Variants in ACOD1 observed in about 807,000 individuals in gnomAD.
ACOD1 encodes cis-aconitate decarboxylase.
A neutral mutation model predicts 14.2 loss-of-function variants in ACOD1; 14 were observed. The observed-to-expected ratio is 0.99, with a 90% CI of 0.65 to 1.54. The LOEUF (loss-of-function observed/expected upper bound fraction) is 1.54. Ranked by LOEUF, ACOD1 falls within the 40% of genes most tolerant of loss-of-function variation. The pLI, the probability that ACOD1 is intolerant of heterozygous loss-of-function variation, is 0.00. For missense variants in ACOD1, 530 were observed against 586.3 expected (o/e 0.90, Z 0.99); for synonymous variants, 182 against 221.7 (o/e 0.82, Z 1.59).
chr13:76,956,964 G>T, intron 4 of ACOD1, 46 bp from the exon 5 acceptor site: 1 of 1,502,690 alleles, frequency 6.7e-7, no homozygotes, highest in Non-Finnish European at 8.9e-7. Flanking sequence ...CTGCCTCCTG[G>T]TGGTTACGGT....
At position 76,958,011 on chromosome 13, in the gene ACOD1, G is replaced by T; in HGVS notation, c.*26G>T. 6.8e-7 allele frequency: 1 copy of T among 1,470,538 alleles called. No homozygotes were observed. The highest frequency in any genetic ancestry group is 9.0e-7 in the Non-Finnish European group (1 of 1,114,512). 91.1% of individuals were successfully genotyped at this position (1,470,538 alleles called of 1,614,324 possible). On this transcript the variant is annotated 3_prime_UTR_variant, in exon 5 of 5. Transcript: ENST00000377462. ...GGCTTACCAACATCTAAATGACTTT[G>T]CATTTGGGGAGATTCAATGATTTGG...
At chr13:76,953,911 T>C (rs1566206269) in intron 3 of ACOD1, among the ~76,000 whole-genome samples, 1 of 152,202 alleles carries the variant, frequency 6.6e-6, no homozygotes, top group Non-Finnish European at 1.5e-5. Context: ...GGAAAGAAGA[T>C]GGAAGGATTT....
rs2033895152 is a variant in ACOD1, at chr13:76,957,786, A to G, written c.1247A>G (p.Glu416Gly). ...YGHWRKPLSQ[E>G]DLEEKFRANA... is the part of the protein sequence containing the mutation. ...CACTGGAGAAAACCACTGAGCCAGG[A>G]GGACCTAGAGGAAAAGTTCAGAGCC... is the stretch of plus-strand genomic sequence containing the variant. The change falls in exon 5 of 5, where the codon GAG becomes GGG. Residue 416 changes from glutamate to glycine, a missense_variant. By Grantham distance (98) the Glu-to-Gly change is moderately conservative. Transcript: ENST00000377462. 1 of 1,550,896 alleles carries G rather than the reference A, an allele frequency of 6.4e-7. No individual in the cohort carries two copies. The highest frequency in any genetic ancestry group is 8.7e-7 in the Non-Finnish European group (1 of 1,147,062).
intron 1 of ACOD1, among the ~76,000 whole-genome samples, chr13:76,951,488 G>C (rs894010005): frequency 5.9e-5 from 9 of 152,178 alleles, no homozygotes; most frequent in African/African-American, 1.9e-4. Flanking sequence ...CATCTGCCTT[G>C]GTCTCCCAAA....
At chr13:76,952,707 A>G in intron 2 of ACOD1, 57 bp downstream of exon 2, 5 of 1,431,338 alleles carry the variant, frequency 3.5e-6, no homozygotes, top group Non-Finnish European at 4.7e-6. Flanking sequence ...TATGTGTTAC[A>G]TTTACTCTAT....
intron 1 of ACOD1, among the ~76,000 whole-genome samples, chr13:76,948,971 G>T (rs976970712): frequency 9.9e-5 from 15 of 152,136 alleles, no homozygotes; most frequent in African/African-American, 3.4e-4. Flanking sequence ...TGGACTCATA[G>T]TAAGAACTTG....
At chr13:76,951,604 T>G (rs2033821906) in intron 1 of ACOD1, among the ~76,000 whole-genome samples, 1 of 152,220 alleles carries the variant, frequency 6.6e-6, no homozygotes, top group Non-Finnish European at 1.5e-5. Context: ...ATATCCTTTT[T>G]TTCCTACTAA....
intron 4 of ACOD1, among the ~76,000 whole-genome samples, chr13:76,955,934 G>T (rs1331880169): frequency 6.6e-6 from 1 of 152,174 alleles, no homozygotes; most frequent in African/African-American, 2.4e-5. Flanking sequence ...ACATCATATG[G>T]CTCAGTCTCA....
intron 2 of ACOD1, among the ~76,000 whole-genome samples, chr13:76,953,293 T>C (rs570810054): frequency 6.6e-6 from 1 of 152,246 alleles, no homozygotes; most frequent in South Asian, 2.1e-4. Flanking sequence ...GTATTAGAGA[T>C]AAACAGTTAG....
chr13:76,952,422 T>A, intron 1 of ACOD1, 67 bp from the exon 2 acceptor site: 1 of 1,402,346 alleles, frequency 7.1e-7, no homozygotes, highest in Non-Finnish European at 9.6e-7. Flanking sequence ...CCTCAAGGTG[T>A]CTTATAGAAC....
intron 3 of ACOD1, among the ~76,000 whole-genome samples, chr13:76,954,462 A>G (rs9565304): frequency 0.1 from 15,768 of 152,322 alleles, 937 homozygotes; most frequent in Admixed American, 0.16. Flanking sequence ...TAAAGCAGAA[A>G]ATAATGATTT....
rs945247196 is a variant in ACOD1, at chr13:76,955,386, T to C, written c.332T>C (p.Val111Ala). The change falls in exon 4 of 5, where the codon GTC (valine) becomes GCC (alanine). Residue 111 changes from valine (V) to alanine (A), a missense_variant. Coordinates refer to ENST00000377462, the MANE Select transcript of ACOD1 (RefSeq NM_001258406.2). ...CACCCTTCTGGGGCTGTCCTTCCTG[T>C]CCTCACAGCTTTAGCAGAAGCCCTG... The part of the protein sequence containing the change: ...ATHPSGAVLP[V>A]LTALAEALPR... The C allele has an allele frequency of 2.6e-6, 4 of 1,550,522 alleles. No individual in the cohort carries two copies. The African/African-American group carries it at 5.5e-5, about 21-fold the overall frequency.
At position 76,948,697 on chromosome 13, in the gene ACOD1, G is replaced by A. The variant is rs2033792785; in HGVS notation, c.12+127G>A. On this transcript the variant is annotated intron_variant, in intron 1 of 4. Coordinates refer to ENST00000377462, the MANE Select transcript of ACOD1 (RefSeq NM_001258406.2). ...TCTGCTTTAACTTTTCTTTCAACCT[G>A]TGGGCTACCTAATTAACTGCATGGT... is the stretch of plus-strand genomic sequence containing the variant. 8.6e-6 allele frequency: 6 copies of A among 693,844 alleles called. No individual in the cohort carries two copies. The East Asian group carries it at 1.2e-4, about 13-fold the overall frequency. The allele number at this position is 693,844 out of a possible 1,614,324, so 43.0% of individuals were successfully genotyped here. A position where few individuals can be genotyped will look rare whatever the true frequency, so the allele number is the denominator to read the frequency against.
chr13:76,954,238 AT>A (rs1273104124), intron 3 of ACOD1, among the ~76,000 whole-genome samples: 1 of 152,212 alleles, frequency 6.6e-6, no homozygotes, highest in East Asian at 1.9e-4. Context: ...ACATGTTGGG[AT>A]TTCCGAGATA....
intron 2 of ACOD1, 129 bp from the exon 3 acceptor site, chr13:76,953,471 G>T: frequency 1.7e-6 from 1 of 593,972 alleles, no homozygotes; most frequent in Non-Finnish European, 3.1e-6. Flanking sequence ...AATGACTAGG[G>T]CTTCTATCTG....
At chr13:76,955,559 A>G (rs1411886287) in intron 4 of ACOD1, 35 bp downstream of exon 4, 1 of 1,517,932 alleles carries the variant, frequency 6.6e-7, no homozygotes, top group Non-Finnish European at 8.9e-7. Flanking sequence ...AAAGGTAGTC[A>G]CATCCCCTTC....
At chr13:76,955,175 T>C in intron 3 of ACOD1, 144 bp from the exon 4 acceptor site, 1 of 557,998 alleles carries the variant, frequency 1.8e-6, no homozygotes, top group Non-Finnish European at 3.1e-6. Flanking sequence ...CAGACATTTC[T>C]CAGATTTTCT....
At chr13:76,952,260 A>G (rs545535330) in intron 1 of ACOD1, among the ~76,000 whole-genome samples, 1 of 151,982 alleles carries the variant, frequency 6.6e-6, no homozygotes, top group African/African-American at 2.4e-5. Context: ...CCTCAACTCA[A>G]CTGAGAAGAT....
chr13:76,951,268 C>G (rs1159655862), intron 1 of ACOD1, among the ~76,000 whole-genome samples: 1 of 152,204 alleles, frequency 6.6e-6, no homozygotes, highest in Non-Finnish European at 1.5e-5. Context: ...AGGAGTCTCA[C>G]TCTGTTGCCC....
Sources: gnomAD v4.1 joint callset for allele counts (sites outside exome capture counted in the v4.1 genomes callset) on GRCh38, gnomAD v4.1.1 for gene constraint, MANE v1.5 for transcripts, NCBI Gene and HGNC (gene_info 2026-07-23, HGNC 2026-07-21) for gene names.